SGCD: variants seen among roughly 807,000 people sequenced by gnomAD.
SGCD encodes sarcoglycan delta.
Under a neutral mutation model 36.6 loss-of-function variants are expected in SGCD, and 18 were observed. The observed-to-expected ratio is 0.49, with a 90% CI of 0.34 to 0.73. The LOEUF is 0.73. SGCD is among the 30% of genes least tolerant of loss of function. The pLI, the probability that SGCD is intolerant of heterozygous loss-of-function variation, is 0.01. For missense variants in SGCD, 387 were observed against 346.7 expected (o/e 1.12, Z -0.92); for synonymous variants, 133 against 130.6 (o/e 1.02, Z -0.12).
At chr5:156,230,289 C>G (rs1358736504) in intron 3 of SGCD, among the ~76,000 whole-genome samples, 1 of 152,134 alleles carries the variant, frequency 6.6e-6, no homozygotes, top group Non-Finnish European at 1.5e-5. Flanking sequence ...TGGTTTTCCA[C>G]TCCTTCTCAT....
intron 1 of SGCD, among the ~76,000 whole-genome samples, chr5:155,999,573 G>T (rs1758622288): frequency 6.6e-6 from 1 of 152,114 alleles, no homozygotes; most frequent in South Asian, 2.1e-4. Flanking sequence ...GACAAACAAG[G>T]TCCCTGCCCT....
intron 1 of SGCD, among the ~76,000 whole-genome samples, chr5:155,933,583 G>A (rs1757139453): frequency 6.6e-6 from 1 of 152,194 alleles, no homozygotes; most frequent in Non-Finnish European, 1.5e-5. Flanking sequence ...ACTGTTGAAT[G>A]CATAGTGGCC....
intron 3 of SGCD, among the ~76,000 whole-genome samples, chr5:156,362,149 A>C (rs1289515805): frequency 6.6e-6 from 1 of 152,208 alleles, no homozygotes; most frequent in Non-Finnish European, 1.5e-5. Context: ...GTAGGAGCCA[A>C]TGAAGAAGCA....
intron 1 of SGCD, among the ~76,000 whole-genome samples, chr5:155,946,140 T>C (rs1003492564): frequency 1.3e-5 from 2 of 152,164 alleles, no homozygotes; most frequent in African/African-American, 2.4e-5. Context: ...AAATGCTGGA[T>C]TGCAAACAGC....
intron 3 of SGCD, among the ~76,000 whole-genome samples, chr5:156,411,843 A>G (rs1772777577): frequency 6.6e-6 from 1 of 152,236 alleles, no homozygotes; most frequent in African/African-American, 2.4e-5. Flanking sequence ...CATGTTTAAA[A>G]GTTAATTATT....
chr5:156,297,174 G>C (rs2127681758), intron 3 of SGCD, among the ~76,000 whole-genome samples: 1 of 152,098 alleles, frequency 6.6e-6, no homozygotes, highest in East Asian at 1.9e-4. Context: ...TACTCTCTTA[G>C]TTATTTTTAA....
intron 3 of SGCD, among the ~76,000 whole-genome samples, chr5:156,396,955 T>C (rs955411520): frequency 1.3e-5 from 2 of 152,258 alleles, no homozygotes; most frequent in Non-Finnish European, 2.9e-5. Flanking sequence ...TAGGTCCTAC[T>C]GCCTCTCAGA....
In SGCD at chr5:156,589,160, A is replaced by T. The variant is rs761792662; in HGVS notation, c.295-71A>T. 3 of 1,114,524 alleles carry T rather than the reference A, an allele frequency of 2.7e-6. No individual in the cohort carries two copies. The Admixed American group carries it at 6.1e-5, about 23-fold the overall frequency. The allele number at this position is 1,114,524 out of a possible 1,614,324, so 69.0% of individuals were successfully genotyped here. A position where few individuals can be genotyped will look rare whatever the true frequency, so the allele number is the denominator to read the frequency against. The stretch of plus-strand genomic sequence containing the variant: ...CTAAAGCCATTTCAGCCCCTTGGAG[A>T]GTTGTAATGACAGTTCTTTTTGTTT... On this transcript the variant is annotated intron_variant, in intron 4 of 8. Coordinates refer to ENST00000337851, the MANE Select transcript of SGCD (RefSeq NM_000337.6).
intron 1 of SGCD, among the ~76,000 whole-genome samples, chr5:156,068,569 G>T (rs1160432989): frequency 2.6e-5 from 4 of 151,766 alleles, no homozygotes; most frequent in African/African-American, 9.7e-5. Context: ...TGTGAATAGT[G>T]CCGCAGTATA....
intron 1 of SGCD, among the ~76,000 whole-genome samples, chr5:156,083,177 G>T (rs192267955): frequency 6.6e-6 from 1 of 151,490 alleles, no homozygotes; most frequent in African/African-American, 2.4e-5. Flanking sequence ...TAGTTTCATT[G>T]GATTGTTGTT....
intron 3 of SGCD, among the ~76,000 whole-genome samples, chr5:156,358,264 G>A (rs959805224): frequency 1.3e-5 from 2 of 152,154 alleles, no homozygotes; most frequent in Admixed American, 6.5e-5. Context: ...ATAAATGAAT[G>A]CTTTATAGTT....
At chr5:156,603,061 A>G (rs986044947) in intron 6 of SGCD, among the ~76,000 whole-genome samples, 1 of 152,090 alleles carries the variant, frequency 6.6e-6, no homozygotes, top group African/African-American at 2.4e-5. Flanking sequence ...GCATGAAGCC[A>G]TTATGTCCTG....
the SGCD span, among the ~76,000 whole-genome samples, chr5:155,833,745 GC>G: frequency 6.6e-6 from 1 of 152,146 alleles, no homozygotes; most frequent in South Asian, 2.1e-4. Flanking sequence ...CCCTCATGTT[GC>G]CCCTGCATGA....
intron 1 of SGCD, among the ~76,000 whole-genome samples, chr5:156,037,477 T>C (rs1457301858): frequency 6.6e-6 from 1 of 152,248 alleles, no homozygotes; most frequent in Admixed American, 6.5e-5. Flanking sequence ...CCTAATTCCC[T>C]AAACTCTGTA....
At position 156,075,057 on chromosome 5, in the gene SGCD, A is replaced by G. The variant is rs537226115; in HGVS notation, c.-281-42821A>G. Among the ~76,000 whole-genome samples the G allele has an allele frequency of 2.0e-5, 3 of 152,300 alleles. No individual in the cohort carries two copies. The East Asian group carries it at 5.8e-4, about 29-fold the overall frequency. ...AAGAGCTGATATCTTGAGAAATTAT[A>G]TTTTTCACAAATACAAATGTACGAA... On this transcript the variant is annotated intron_variant, in intron 1 of 9. Transcript: ENST00000517913.
At chr5:156,175,948 C>CT (rs59891264) in intron 3 of SGCD, among the ~76,000 whole-genome samples, 46,761 of 148,232 alleles carry the variant, frequency 0.32, 7,580 homozygotes, top group East Asian at 0.59. Context: ...TTCTGTGGAT[C>CT]TTTTTTTTTT....
At chr5:156,503,267 G>A (rs546684077) in intron 3 of SGCD, among the ~76,000 whole-genome samples, 32 of 152,138 alleles carry the variant, frequency 2.1e-4, no homozygotes, top group African/African-American at 7.0e-4. Flanking sequence ...TTTGTAACTC[G>A]TCATGGCACA....
chr5:156,572,377 G>A (rs1044814013), intron 4 of SGCD, among the ~76,000 whole-genome samples: 7 of 151,958 alleles, frequency 4.6e-5, no homozygotes, highest in Non-Finnish European at 7.4e-5. Flanking sequence ...AGTGTATGAG[G>A]GTTCCAGTTT....
chr5:156,412,856 C>T (rs1164766633), intron 3 of SGCD, among the ~76,000 whole-genome samples: 6 of 145,822 alleles, frequency 4.1e-5, no homozygotes, highest in Admixed American at 2.8e-4. Flanking sequence ...ACTGCAGTGG[C>T]GCAATCTCGG....
Sources: gnomAD v4.1 joint callset for allele counts (sites outside exome capture counted in the v4.1 genomes callset) on GRCh38, gnomAD v4.1.1 for gene constraint, MANE v1.5 for transcripts, NCBI Gene and HGNC (gene_info 2026-07-23, HGNC 2026-07-21) for gene names.